The following ANO3 variants were observed in gnomAD, a reference collection of about 807,000 sequenced individuals.
ANO3 encodes the protein anoctamin-3.
Under a neutral mutation model 144.8 loss-of-function variants are expected in ANO3, and 99 were observed. The ratio of observed to expected loss-of-function variants is 0.68; its 90% CI spans 0.58 to 0.81. ANO3 has a LOEUF of 0.81. ANO3 is among the 30% of genes least tolerant of loss of function. ANO3 has a pLI of 0.00. For synonymous variants in ANO3, 414 were observed against 392.6 expected (o/e 1.05, Z -0.64); for missense variants, 905 against 1,202.2 (o/e 0.75, Z 3.66).
intron 10 of ANO3, 35 bp from the exon 11 acceptor site, chr11:26,541,912 A>G: frequency 6.3e-7 from 1 of 1,580,990 alleles, no homozygotes; most frequent in Non-Finnish European, 8.6e-7. Context: ...TCACTAAAAA[A>G]TAGAACCAAA....
chr11:26,597,928 A>G (rs1404519884), intron 14 of ANO3, among the ~76,000 whole-genome samples: 4 of 152,036 alleles, frequency 2.6e-5, no homozygotes, highest in Admixed American at 2.6e-4. Context: ...CTCCTTCACC[A>G]CGAGAGTTTG....
intron 1 of ANO3, among the ~76,000 whole-genome samples, chr11:26,351,235 A>G (rs1855637547): frequency 6.6e-6 from 1 of 151,506 alleles, no homozygotes; most frequent in East Asian, 1.9e-4. Context: ...CCATGGGTAC[A>G]TTCTATTTTT....
At chr11:26,652,775 C>T (rs1307541138) in intron 24 of ANO3, among the ~76,000 whole-genome samples, 1 of 152,144 alleles carries the variant, frequency 6.6e-6, no homozygotes, top group Non-Finnish European at 1.5e-5. Flanking sequence ...TCTCTTCTTC[C>T]CTTTTAAACT....
chr11:26,565,079 C>T, intron 14 of ANO3: 1 of 1,302,284 alleles, frequency 7.7e-7, no homozygotes. Flanking sequence ...GTTTTTCCAG[C>T]ATGGTGATTC....
chr11:26,621,716 GTA>G (rs1369771038), intron 17 of ANO3, among the ~76,000 whole-genome samples: 1 of 151,962 alleles, frequency 6.6e-6, no homozygotes, highest in Non-Finnish European at 1.5e-5. Flanking sequence ...TTTGATTCAG[GTA>G]TGTTTGGTTT....
intron 14 of ANO3, among the ~76,000 whole-genome samples, chr11:26,581,705 AAAAAAAG>A (rs1239973304): frequency 1.3e-5 from 2 of 151,658 alleles, no homozygotes; most frequent in Admixed American, 6.6e-5. Flanking sequence ...AAAAAAAAAA[AAAAAAAG>A]GAGAAAAGAA....
chr11:26,562,994 C>G (rs1254401060), intron 14 of ANO3: 1 of 1,363,478 alleles, frequency 7.3e-7, no homozygotes, highest in Non-Finnish European at 9.7e-7. Context: ...CAGAATAAGT[C>G]TTTAGTTTGT....
intron 3 of ANO3, among the ~76,000 whole-genome samples, chr11:26,460,469 A>G (rs11029569): frequency 6.8e-6 from 1 of 148,052 alleles, no homozygotes; most frequent in Non-Finnish European, 1.5e-5. Flanking sequence ...GGAAGGAAGG[A>G]AGGGAGGAAG....
chr11:26,392,087 C>A (rs1441118084), intron 1 of ANO3, among the ~76,000 whole-genome samples: 1 of 152,038 alleles, frequency 6.6e-6, no homozygotes, highest in Non-Finnish European at 1.5e-5. Flanking sequence ...GGGAGAGAGA[C>A]ACACAGCATG....
chr11:26,463,786 TCAGATAC>T (rs1308672378), intron 4 of ANO3, among the ~76,000 whole-genome samples: 1 of 151,870 alleles, frequency 6.6e-6, no homozygotes, highest in Non-Finnish European at 1.5e-5. Flanking sequence ...AGTGTTCCCA[TCAGATAC>T]CAAAGACAAA....
intron 1 of ANO3, among the ~76,000 whole-genome samples, chr11:26,400,094 G>A (rs1365948241): frequency 6.6e-6 from 1 of 151,136 alleles, no homozygotes; most frequent in Non-Finnish European, 1.5e-5. Flanking sequence ...ATTGTACAAA[G>A]CAAAGTTTTT....
At chr11:26,307,234 G>C (rs1021167198), upstream of ANO3, among the ~76,000 whole-genome samples, 2 of 152,052 alleles carry the variant, frequency 1.3e-5, no homozygotes, top group African/African-American at 4.8e-5. Flanking sequence ...CATATCTCTA[G>C]TCCCAGCTAC....
At chr11:26,631,863 A>G (rs551421987) in intron 18 of ANO3, among the ~76,000 whole-genome samples, 76 of 152,260 alleles carry the variant, frequency 5.0e-4, no homozygotes, top group African/African-American at 1.7e-3. Flanking sequence ...TGAAAAATCC[A>G]TAGCCAAAAC....
chr11:26,312,678 T>A (rs898058856), intron 1 of ANO3, among the ~76,000 whole-genome samples: 2 of 152,220 alleles, frequency 1.3e-5, no homozygotes, highest in African/African-American at 4.8e-5. Context: ...ATTCACCCAC[T>A]TTTTGATGGG....
At chr11:26,303,319 T>A (rs1462779418) in intron 1 of ANO3, among the ~76,000 whole-genome samples, 7 of 149,752 alleles carry the variant, frequency 4.7e-5, no homozygotes, top group Admixed American at 1.3e-4. Flanking sequence ...TGGACTGATT[T>A]AAAAAAAAAA....
chr11:26,364,090 T>G (rs1590294459), intron 1 of ANO3, among the ~76,000 whole-genome samples: 1 of 152,206 alleles, frequency 6.6e-6, no homozygotes, highest in East Asian at 1.9e-4. Flanking sequence ...CAAAGATGTT[T>G]TAACTACAGC....
At chr11:26,253,991 A>G (rs1401112052) in intron 1 of ANO3, among the ~76,000 whole-genome samples, 1 of 152,220 alleles carries the variant, frequency 6.6e-6, no homozygotes, top group Non-Finnish European at 1.5e-5. Flanking sequence ...GCTCAACATT[A>G]ACATGTGATG....
chr11:26,626,703 T>C, intron 18 of ANO3, among the ~76,000 whole-genome samples: 1 of 152,220 alleles, frequency 6.6e-6, no homozygotes, highest in East Asian at 1.9e-4. Context: ...TTTTTGTATA[T>C]TCTTTGTTCA....
At chr11:26,548,964 A>C (rs1849860308) in intron 12 of ANO3, among the ~76,000 whole-genome samples, 1 of 151,190 alleles carries the variant, frequency 6.6e-6, no homozygotes, top group African/African-American at 2.4e-5. Flanking sequence ...AAAAAAAAAA[A>C]ACACTTTTAA....
Sources: allele counts gnomAD v4.1 joint callset (sites outside exome capture counted in the v4.1 genomes callset), GRCh38; gene constraint gnomAD v4.1.1; transcripts MANE v1.5; gene names NCBI Gene and HGNC (gene_info 2026-07-23, HGNC 2026-07-21).